The following MAP3K5 variants were observed in gnomAD, a reference collection of about 807,000 sequenced individuals.
The protein encoded by MAP3K5 is mitogen-activated protein kinase kinase kinase 5, also known as ASK-1.
A neutral mutation model predicts 158.7 loss-of-function variants in MAP3K5; 56 were observed. That is an observed-to-expected ratio of 0.35 (90% CI 0.28 to 0.44). The LOEUF is 0.44. Ranked by LOEUF, MAP3K5 falls within the 20% of genes least tolerant of loss-of-function variation. The pLI is 1.00. For synonymous variants in MAP3K5, 579 were observed against 601.7 expected (o/e 0.96, Z 0.55); for missense variants, 1,294 against 1,674.8 (o/e 0.77, Z 3.97).
At chr6:136,786,907 G>A (rs925727422) in intron 1 of MAP3K5, among the ~76,000 whole-genome samples, 1 of 151,152 alleles carries the variant, frequency 6.6e-6, no homozygotes, top group Non-Finnish European at 1.5e-5. Context: ...CAGGCTCAAG[G>A]GATCCTCCCA....
intron 1 of MAP3K5, among the ~76,000 whole-genome samples, chr6:136,785,360 T>G (rs577233228): frequency 6.6e-6 from 1 of 152,308 alleles, no homozygotes; most frequent in South Asian, 2.1e-4. Flanking sequence ...AAAAGCTAAG[T>G]TCTTACAATT....
At chr6:136,676,814 CAG>C (rs1779723634) in intron 7 of MAP3K5, among the ~76,000 whole-genome samples, 1 of 134,850 alleles carries the variant, frequency 7.4e-6, no homozygotes, top group Admixed American at 7.9e-5. Context: ...TTTTTTGAGA[CAG>C]AGTCTCACTC....
At chr6:136,667,543 C>G (rs1779280464) in intron 8 of MAP3K5, among the ~76,000 whole-genome samples, 1 of 152,084 alleles carries the variant, frequency 6.6e-6, no homozygotes, top group South Asian at 2.1e-4. Flanking sequence ...CGTGATCGTG[C>G]CAGTGCACTC....
chr6:136,584,042 A>G (rs1417044821), intron 23 of MAP3K5, among the ~76,000 whole-genome samples: 2 of 152,162 alleles, frequency 1.3e-5, no homozygotes, highest in African/African-American at 4.8e-5. Context: ...CACCTCTTCA[A>G]TCCTCCTACC....
At chr6:136,568,702 A>G (rs1774227704) in intron 25 of MAP3K5, among the ~76,000 whole-genome samples, 1 of 151,810 alleles carries the variant, frequency 6.6e-6, no homozygotes, top group African/African-American at 2.4e-5. Context: ...GTGAAACCCC[A>G]TCTCTACTAA....
intron 25 of MAP3K5, among the ~76,000 whole-genome samples, chr6:136,572,208 G>A (rs1236457653): frequency 6.6e-6 from 1 of 152,082 alleles, no homozygotes; most frequent in African/African-American, 2.4e-5. Context: ...GACAAGATTA[G>A]ACCTTTTACA....
intron 1 of MAP3K5, among the ~76,000 whole-genome samples, chr6:136,755,689 C>CAAAAA (rs772339028): frequency 2.1e-5 from 1 of 48,230 alleles, no homozygotes; most frequent in South Asian, 7.7e-4. Flanking sequence ...ACTCTGTCTC[C>CAAAAA]AAAAAAAAAA....
At chr6:136,602,066 A>G (rs895573220) in intron 19 of MAP3K5, 87 bp from the exon 20 acceptor site, 21 of 963,658 alleles carry the variant, frequency 2.2e-5, no homozygotes, top group Admixed American at 8.8e-5. Context: ...TGACCCCCCA[A>G]TGCAACAAGA....
At chr6:136,764,800 C>T (rs1231695977) in intron 1 of MAP3K5, among the ~76,000 whole-genome samples, 2 of 152,148 alleles carry the variant, frequency 1.3e-5, no homozygotes, top group Non-Finnish European at 2.9e-5. Flanking sequence ...TATGCTAAGA[C>T]ATCAGCTTTC....
At chr6:136,709,315 A>G (rs1043141435) in intron 2 of MAP3K5, among the ~76,000 whole-genome samples, 1 of 152,208 alleles carries the variant, frequency 6.6e-6, no homozygotes, top group African/African-American at 2.4e-5. Flanking sequence ...TATGTAAGAT[A>G]TGGCTCTGCT....
At position 136,592,478 on chromosome 6, in the gene MAP3K5, G is replaced by A. The variant is rs150394997; in HGVS notation, c.3015C>T (p.Cys1005=). The change falls in exon 22 of 30, where the codon TGC becomes TGT. Residue 1005 remains cysteine, a synonymous_variant. Transcript: ENST00000359015. ...GAATTCCCTTGACATCTCTTTCTCC[G>A]CAGGACTTGGCTCTTGTTTTGAAAG... ...PFSFKTRAKS[C]GERDVKGIRT... is the part of the protein sequence containing the mutation. 1.3e-3 allele frequency: 2,113 copies of A among 1,613,878 alleles called. 15 individuals are homozygous for A. The highest frequency in any genetic ancestry group is 8.6e-3 in the South Asian group (783 of 91,066).
chr6:136,578,090 T>C (rs1237347956), intron 25 of MAP3K5, among the ~76,000 whole-genome samples: 2 of 152,244 alleles, frequency 1.3e-5, no homozygotes, highest in Non-Finnish European at 2.9e-5. Flanking sequence ...CTTTCAGTGA[T>C]ATACACTATT....
chr6:136,601,983 A>T lies in MAP3K5; in HGVS notation c.2680-4T>A. Reference sequence around the variant, plus strand: ...GGTGGACTTTAAACATTCCCACCTAAGACATAAATATAAAAAGTGCAATGT... The same window carrying T: ...GGTGGACTTTAAACATTCCCACCTATGACATAAATATAAAAAGTGCAATGT... On this transcript the variant is annotated splice_polypyrimidine_tract_variant and splice_region_variant and intron_variant, in intron 19 of 29. Transcript: ENST00000359015. 1 of 1,610,460 alleles carries T rather than the reference A, an allele frequency of 6.2e-7. No individual in the cohort carries two copies. Among genetic ancestry groups the T allele is most frequent in the Non-Finnish European group, 8.5e-7 (1 of 1,178,454 alleles).
At position 136,643,916 on chromosome 6, in the gene MAP3K5, A is replaced by G. The variant is rs117943694; in HGVS notation, c.1789-1347T>C. Among the ~76,000 whole-genome samples the G allele has an allele frequency of 9.9e-3, 1,514 of 152,274 alleles. 14 individuals are homozygous for G. Among genetic ancestry groups the G allele is most frequent in the South Asian group, 0.017 (80 of 4,828 alleles). ...TGAACTTCTAAATATATATATATAT[A>G]TATGACCCAGGAGCTGCAGCTGTTA... On this transcript the variant is annotated intron_variant, in intron 11 of 29. Transcript: ENST00000359015.
intron 1 of MAP3K5, among the ~76,000 whole-genome samples, chr6:136,765,018 C>T (rs1352977353): frequency 6.6e-6 from 1 of 152,118 alleles, no homozygotes; most frequent in Admixed American, 6.5e-5. Context: ...ATGTAGCCAC[C>T]AATGTGCGGC....
intron 1 of MAP3K5, among the ~76,000 whole-genome samples, chr6:136,750,543 C>T (rs910450279): frequency 1.3e-5 from 2 of 152,188 alleles, no homozygotes; most frequent in African/African-American, 4.8e-5. Flanking sequence ...GTTCATGTAG[C>T]ACTTGAGTAT....
At chr6:136,745,080 A>G (rs899295427) in intron 1 of MAP3K5, among the ~76,000 whole-genome samples, 2 of 152,062 alleles carry the variant, frequency 1.3e-5, no homozygotes, top group African/African-American at 4.8e-5. Flanking sequence ...TGGCTGGAAC[A>G]TAATGTTTCC....
chr6:136,714,671 T>G (rs1457621211), intron 2 of MAP3K5, among the ~76,000 whole-genome samples: 1 of 152,194 alleles, frequency 6.6e-6, no homozygotes, highest in East Asian at 1.9e-4. Context: ...AACATGGGTA[T>G]ATAAACACCT....
intron 26 of MAP3K5, among the ~76,000 whole-genome samples, chr6:136,565,864 GA>G (rs1406765147): frequency 6.6e-6 from 1 of 152,104 alleles, no homozygotes; most frequent in African/African-American, 2.4e-5. Flanking sequence ...AGATATTACT[GA>G]AAAAGGAAAA....
Sources: gnomAD v4.1 joint callset for allele counts (sites outside exome capture counted in the v4.1 genomes callset) on GRCh38, gnomAD v4.1.1 for gene constraint, MANE v1.5 for transcripts, NCBI Gene and HGNC (gene_info 2026-07-23, HGNC 2026-07-21) for gene names.